The following ARHGEF9 variants were observed in gnomAD, a reference collection of about 807,000 sequenced individuals.
ARHGEF9 encodes the protein rho guanine nucleotide exchange factor 9.
ARHGEF9 carries 2 observed loss-of-function variants against 41.3 expected under a neutral mutation model. The observed-to-expected ratio is 0.05, with a 90% CI of 0.02 to 0.15. ARHGEF9 has a LOEUF of 0.15. Ranked by LOEUF, ARHGEF9 falls within the 10% of genes least tolerant of loss-of-function variation. The pLI is 1.00. For missense variants in ARHGEF9, 225 were observed against 424.7 expected, an observed-to-expected ratio of 0.53 and a Z score of 4.13; for synonymous variants, 160 against 154.4, an observed-to-expected ratio of 1.04 and a Z score of -0.27.
At chrX:63,768,525 G>A (rs1485429681) in intron 1 of ARHGEF9, among the ~76,000 whole-genome samples, 6 of 112,301 alleles carry the variant, frequency 5.3e-5, no homozygotes, top group Non-Finnish European at 9.4e-5. Flanking sequence ...TCAAATGGAA[G>A]ATCTACTTTT....
chrX:63,668,188 T>C (rs1282024760), intron 6 of ARHGEF9, among the ~76,000 whole-genome samples: 2 of 110,594 alleles, frequency 1.8e-5, no homozygotes, highest in Non-Finnish European at 3.8e-5. Flanking sequence ...GGCTGCAGTA[T>C]AGTGGCACGA....
In ARHGEF9 at chrX:63,666,433, TAC is replaced by T. The variant is rs1440149474; in HGVS notation, c.946-418_946-417del. On this transcript the variant is annotated intron_variant, in intron 6 of 9. Transcript: ENST00000671741. ...ATATATATATACACACACACACACA[TAC>T]ACACATATATATATACATACACACA... is the stretch of plus-strand genomic sequence containing the variant. Among the ~76,000 whole-genome samples, 5 of 53,004 alleles carry T rather than the reference TAC, an allele frequency of 9.4e-5. No individual in the cohort carries two copies. The East Asian group carries it at 1.9e-3, about 20-fold the overall frequency. The allele number at this position is 53,004 out of a possible 115,157, so 46.0% of individuals were successfully genotyped here.
chrX:63,710,830 C>T (rs2052886390), intron 2 of ARHGEF9, among the ~76,000 whole-genome samples: 1 of 110,593 alleles, frequency 9.0e-6, no homozygotes, highest in Admixed American at 9.6e-5. Flanking sequence ...AAGGTTCTAG[C>T]CAGAGCAATT....
At chrX:63,778,119 C>T (rs1556459895) in intron 1 of ARHGEF9, among the ~76,000 whole-genome samples, 1 of 112,907 alleles carries the variant, frequency 8.9e-6, no homozygotes, top group African/African-American at 3.2e-5. Flanking sequence ...CATTGAACTC[C>T]TTCCTGGACA....
intron 2 of ARHGEF9, among the ~76,000 whole-genome samples, chrX:63,712,413 T>C (rs1318019220): frequency 8.9e-6 from 1 of 111,736 alleles, no homozygotes; most frequent in African/African-American, 3.3e-5. Context: ...AAATATGGCA[T>C]AGTTATGTAA....
chrX:63,635,229 T>C lies in ARHGEF9; in HGVS notation c.*2799A>G. 2.2e-6 allele frequency: 1 copy of C among 452,348 alleles called. No individual in the cohort carries two copies. Among genetic ancestry groups the C allele is most frequent in the African/African-American group, 2.5e-5 (1 of 39,861 alleles). The allele number at this position is 452,348 out of a possible 1,213,427, so 37.3% of individuals were successfully genotyped here. ...ACTATTTGGCTTCACACTAGAATTG[T>C]TAGAACTCTCTTGTTGCTGTTCTTA... On this transcript the variant is annotated 3_prime_UTR_variant, in exon 10 of 10. Transcript: ENST00000671741.
At chrX:63,713,382 C>A (rs2053074761) in intron 2 of ARHGEF9, among the ~76,000 whole-genome samples, 1 of 110,031 alleles carries the variant, frequency 9.1e-6, no homozygotes, top group African/African-American at 3.3e-5. Flanking sequence ...CACAGCCTAT[C>A]TGCTTGAACA....
At chrX:63,646,007 T>G (rs1395309319) in intron 8 of ARHGEF9, among the ~76,000 whole-genome samples, 2 of 112,071 alleles carry the variant, frequency 1.8e-5, no homozygotes, top group Non-Finnish European at 3.8e-5. Flanking sequence ...TCATGTGTCT[T>G]TTGGCTGCAT....
At chrX:63,732,694 T>C (rs2054381598) in intron 1 of ARHGEF9, among the ~76,000 whole-genome samples, 1 of 110,621 alleles carries the variant, frequency 9.0e-6, no homozygotes, top group Non-Finnish European at 1.9e-5. Flanking sequence ...TTTCCACCAC[T>C]CTTGTCAAAA....
intron 2 of ARHGEF9, among the ~76,000 whole-genome samples, chrX:63,713,970 G>C (rs1361471683): frequency 9.0e-6 from 1 of 111,488 alleles, no homozygotes; most frequent in Non-Finnish European, 1.9e-5. Context: ...TCCCTCTCCA[G>C]CACCAACACA....
intron 8 of ARHGEF9, 163 bp from the exon 9 acceptor site, chrX:63,644,211 A>C: frequency 2.5e-6 from 1 of 394,423 alleles, no homozygotes. Flanking sequence ...AATTTCTAGG[A>C]ATTTCACTAA....
chrX:63,692,079 G>A (rs1476097412), intron 4 of ARHGEF9, among the ~76,000 whole-genome samples: 6 of 111,775 alleles, frequency 5.4e-5, no homozygotes, highest in Admixed American at 9.5e-5. Context: ...CGACTTAAAC[G>A]TAAGACTTGA....
intron 6 of ARHGEF9, among the ~76,000 whole-genome samples, chrX:63,672,030 T>A (rs2049989288): frequency 9.0e-6 from 1 of 111,627 alleles, no homozygotes; most frequent in African/African-American, 3.3e-5. Context: ...TGTTGAAACA[T>A]AATCTCTACT....
At chrX:63,754,207 T>A in intron 1 of ARHGEF9, 15 of 985,418 alleles carry the variant, frequency 1.5e-5, no homozygotes, top group Non-Finnish European at 2.2e-5. Flanking sequence ...AGAAAGCATT[T>A]CTTCATCAAC....
At chrX:63,660,549 T>C (rs1449894729) in intron 7 of ARHGEF9, among the ~76,000 whole-genome samples, 1 of 111,584 alleles carries the variant, frequency 9.0e-6, no homozygotes, top group Non-Finnish European at 1.9e-5. Context: ...AAAATAAAAA[T>C]TGGAAGAAAA....
rs188345132 is a variant in ARHGEF9 at position 63,699,052 on chromosome X, T to C, written c.403-1748A>G. ...TACCTAATATGTAATTCCCAGAGCC[T>C]AGTATGTCTGGGTTGGTCTGTGCCT... On this transcript the variant is annotated intron_variant, in intron 3 of 9. Coordinates refer to ENST00000671741, the MANE Select transcript of ARHGEF9 (RefSeq NM_001353921.2). 3.3e-3 allele frequency among the ~76,000 whole-genome samples: 363 copies of C among 111,589 alleles called. 1 individual carries two copies. The highest frequency in any genetic ancestry group is 0.011 in the African/African-American group (345 of 30,702).
chrX:63,645,269 G>A (rs1202557364), intron 8 of ARHGEF9, among the ~76,000 whole-genome samples: 1 of 109,488 alleles, frequency 9.1e-6, no homozygotes, highest in African/African-American at 3.3e-5. Flanking sequence ...GGGCACATGT[G>A]CACAATGTAC....
intron 2 of ARHGEF9, among the ~76,000 whole-genome samples, chrX:63,715,474 T>C (rs782477021): frequency 4.7e-4 from 52 of 111,568 alleles, no homozygotes; most frequent in Non-Finnish European, 8.3e-4. Context: ...AGGATGGTGA[T>C]GTGGCAAACA....
intron 8 of ARHGEF9, 115 bp downstream of exon 8, chrX:63,655,379 G>A: frequency 9.2e-7 from 1 of 1,087,388 alleles, no homozygotes; most frequent in Non-Finnish European, 1.3e-6. Context: ...CACCAAAGTA[G>A]CTTAAGTCAG....
Sources: gnomAD v4.1 joint callset for allele counts (sites outside exome capture counted in the v4.1 genomes callset) on GRCh38, gnomAD v4.1.1 for gene constraint, MANE v1.5 for transcripts, NCBI Gene and HGNC (gene_info 2026-07-23, HGNC 2026-07-21) for gene names.